Variants in VAV2 observed in about 807,000 individuals in gnomAD.
The protein encoded by VAV2 is vav guanine nucleotide exchange factor 2.
Under a neutral mutation model 132.5 loss-of-function variants are expected in VAV2, and 67 were observed. The observed-to-expected ratio is 0.51, with a 90% confidence interval of 0.42 to 0.62. The LOEUF is 0.62. VAV2 is among the 20% of genes least tolerant of loss of function. VAV2 has a pLI of 0.00. For synonymous variants in VAV2, 492 were observed against 443.5 expected (o/e 1.11, Z -1.37); for missense variants, 938 against 1,153.6 (o/e 0.81, Z 2.71).
At chr9:133,907,048 G>A (rs567150994) in intron 2 of VAV2, among the ~76,000 whole-genome samples, 33 of 152,182 alleles carry the variant, frequency 2.2e-4, no homozygotes, top group Middle Eastern at 3.4e-3. Flanking sequence ...GGCCGGCGGC[G>A]GGGGGAGGGA....
intron 4 of VAV2, among the ~76,000 whole-genome samples, chr9:133,832,365 G>A (rs1836295759): frequency 6.6e-6 from 1 of 152,170 alleles, no homozygotes; most frequent in Non-Finnish European, 1.5e-5. Context: ...TCTGAGCATA[G>A]CAAGTAGGGT....
intron 2 of VAV2, among the ~76,000 whole-genome samples, chr9:133,893,254 G>A (rs1332046826): frequency 6.6e-6 from 1 of 152,192 alleles, no homozygotes; most frequent in East Asian, 1.9e-4. Context: ...TCACACAAAG[G>A]CCCCACAGCT....
rs192087189 is a variant in VAV2, at chr9:133,918,207, C to T, written c.321+20896G>A. On this transcript the variant is annotated intron_variant, in intron 2 of 29. Transcript: ENST00000371850. The surrounding 1 kb of genome is among the most constrained non-coding windows in gnomAD (Gnocchi z 4.7). Reference sequence around the variant, plus strand: ...CCAGTGACATTAATAGGGAAACCGTCGGAAATGCTAAAGAGGACTCGGTGC... The same window carrying T: ...CCAGTGACATTAATAGGGAAACCGTTGGAAATGCTAAAGAGGACTCGGTGC... Among the ~76,000 whole-genome samples the T allele has an allele frequency of 2.8e-3, 429 of 152,312 alleles. 3 individuals are homozygous for T. The highest frequency in any genetic ancestry group is 9.8e-3 in the African/African-American group (406 of 41,560).
Position 133,809,027 on chromosome 9 carries a change from C to T in VAV2, c.666+13G>A. The T allele has an allele frequency of 6.2e-7, 1 of 1,611,680 alleles. No homozygotes were observed. The highest frequency in any genetic ancestry group is 8.5e-7 in the Non-Finnish European group (1 of 1,178,262). On this transcript the variant is annotated intron_variant, in intron 7 of 29. Coordinates refer to ENST00000371850, the MANE Select transcript of VAV2 (RefSeq NM_001134398.2). ...GCCGCTGCCATTTTCCAGTGGCCGC[C>T]ATCTGCCCTCACCTTCTCAATGTCC... is the stretch of plus-strand genomic sequence containing the variant.
chr9:133,780,838 G>T, intron 19 of VAV2, 128 bp from the exon 20 acceptor site: 2 of 1,068,136 alleles, frequency 1.9e-6, no homozygotes, highest in Non-Finnish European at 2.4e-6. Context: ...GCTACAAAGT[G>T]GTCTGTTTTG....
chr9:133,897,071 G>A (rs1025615761), intron 2 of VAV2, among the ~76,000 whole-genome samples: 2 of 152,142 alleles, frequency 1.3e-5, no homozygotes, highest in Admixed American at 1.3e-4. Flanking sequence ...TCCAGCCTGG[G>A]CGACAGAGCG....
chr9:133,950,785 G>C (rs1307361005), intron 1 of VAV2, among the ~76,000 whole-genome samples: 1 of 152,104 alleles, frequency 6.6e-6, no homozygotes, highest in Admixed American at 6.6e-5. Flanking sequence ...AGCCATCTGT[G>C]AAACGGGCTC....
At chr9:133,819,599 G>C (rs570100886) in intron 4 of VAV2, among the ~76,000 whole-genome samples, 1 of 152,156 alleles carries the variant, frequency 6.6e-6, no homozygotes, top group Admixed American at 6.5e-5. Context: ...TTGATACTGG[G>C]GGGGCGGAAT....
intron 3 of VAV2, among the ~76,000 whole-genome samples, chr9:133,848,279 CAAAAAAAAAA>C (rs34908811): frequency 4.1e-5 from 2 of 48,622 alleles, no homozygotes; most frequent in Non-Finnish European, 6.0e-5. Context: ...GACTCCGTCT[CAAAAAAAAAA>C]AAAAAAAAAA....
intron 2 of VAV2, among the ~76,000 whole-genome samples, chr9:133,907,588 G>A (rs1564455343): frequency 6.6e-6 from 1 of 152,250 alleles, no homozygotes; most frequent in South Asian, 2.1e-4. Flanking sequence ...AGATGTTTTA[G>A]GGGATGGGAG....
At chr9:133,895,364 G>A (rs997742310) in intron 2 of VAV2, among the ~76,000 whole-genome samples, 6 of 152,274 alleles carry the variant, frequency 3.9e-5, no homozygotes, top group South Asian at 2.1e-4. Flanking sequence ...TCTTTCTGCC[G>A]TGCGCATCTA....
chr9:133,915,994 G>A (rs1199038493), intron 2 of VAV2, among the ~76,000 whole-genome samples: 1 of 150,892 alleles, frequency 6.6e-6, no homozygotes, highest in South Asian at 2.1e-4. Flanking sequence ...ATGCACACAT[G>A]ATATACATGT....
chr9:133,933,934 TG>T (rs1468973988), intron 2 of VAV2, among the ~76,000 whole-genome samples: 14 of 53,444 alleles, frequency 2.6e-4, no homozygotes, highest in African/African-American at 7.6e-4. Context: ...GGTGAATGGA[TG>T]GATGGATGGA....
At position 133,827,413 on chromosome 9, in the gene VAV2, T is replaced by C. The variant is rs57413841; in HGVS notation, c.449+6859A>G. ...ACTGAGCACGGGCATCGCCAGCTAC[T>C]GCTGTGCCCACTGAGGCTGACCACT... On this transcript the variant is annotated intron_variant, in intron 4 of 29. Coordinates refer to ENST00000371850, the MANE Select transcript of VAV2 (RefSeq NM_001134398.2). Among the ~76,000 whole-genome samples, 102 of 28,026 alleles carry C rather than the reference T, an allele frequency of 3.6e-3. 20 individuals are homozygous for C. Among genetic ancestry groups the C allele is most frequent in the African/African-American group, 0.012 (17 of 1,396 alleles). 18.4% of individuals were successfully genotyped at this position (28,026 alleles called of 152,430 possible).
At chr9:133,853,055 G>A (rs1049681262) in intron 3 of VAV2, among the ~76,000 whole-genome samples, 5 of 152,174 alleles carry the variant, frequency 3.3e-5, no homozygotes, top group African/African-American at 9.7e-5. Flanking sequence ...CCCAGGTCTA[G>A]GAGGTGGCAA....
intron 1 of VAV2, among the ~76,000 whole-genome samples, chr9:133,963,908 A>G (rs1365542155): frequency 2.0e-5 from 3 of 151,776 alleles, no homozygotes; most frequent in African/African-American, 7.3e-5. Flanking sequence ...TCCTAAATGG[A>G]AAGTATAGCA....
Position 133,763,703 on chromosome 9 carries a change from C to T in VAV2, c.*359G>A, listed in dbSNP as rs560394243. Reference sequence around the variant, plus strand: ...CCTTCCTGGGACAGCATCTGCTGTTCAAACCTAGGCTCCTGAAGGCCATCT... The same window carrying T: ...CCTTCCTGGGACAGCATCTGCTGTTTAAACCTAGGCTCCTGAAGGCCATCT... On this transcript the variant is annotated 3_prime_UTR_variant, in exon 30 of 30. Transcript: ENST00000371850. This position sits in a 1 kb window ranked among gnomAD's most constrained non-coding sequence, Gnocchi z 6.8. 1 of 293,956 alleles carries T rather than the reference C, an allele frequency of 3.4e-6. No individual in the cohort carries two copies. The highest frequency in any genetic ancestry group is 4.1e-5 in the South Asian group (1 of 24,454). 18.2% of individuals were successfully genotyped at this position (293,956 alleles called of 1,614,324 possible).
Position 133,939,166 on chromosome 9 carries a change from A to C in VAV2, c.258T>G (p.Phe86Leu), listed in dbSNP as rs561589068. The change falls in exon 2 of 30, where the codon TTT becomes TTG. Residue 86 changes from phenylalanine (F) to leucine (L), a missense_variant. Coordinates refer to ENST00000371850, the MANE Select transcript of VAV2 (RefSeq NM_001134398.2). ...RTFLKVCHDK[F>L]GLRNSELFDP... ...CAAACAGCTCGCTGTTCCTTAATCCAAATTTATCGTGGCAGACTTTCAGGA... is the reference window on the plus strand; with the variant it reads ...CAAACAGCTCGCTGTTCCTTAATCCCAATTTATCGTGGCAGACTTTCAGGA... 12 of 1,614,244 alleles carry C rather than the reference A, an allele frequency of 7.4e-6. No homozygotes were observed. The South Asian group carries it at 1.3e-4, about 18-fold the overall frequency.
chr9:133,984,217 GC>G (rs1842784291), intron 1 of VAV2, among the ~76,000 whole-genome samples: 1 of 152,140 alleles, frequency 6.6e-6, no homozygotes, highest in African/African-American at 2.4e-5. Flanking sequence ...CAGGTGATCT[GC>G]CTGCCTCAGC....
Sources: allele counts gnomAD v4.1 joint callset (sites outside exome capture counted in the v4.1 genomes callset), GRCh38; gene constraint gnomAD v4.1.1; non-coding constraint Gnocchi (gnomAD v3.1); transcripts MANE v1.5; gene names NCBI Gene and HGNC (gene_info 2026-07-23, HGNC 2026-07-21).